The following EFL1 variants were observed in gnomAD, a reference collection of about 807,000 sequenced individuals.
EFL1 encodes elongation factor like GTPase 1, also known as elongation factor-like GTPase 1.
A neutral mutation model predicts 126.7 loss-of-function variants in EFL1; 76 were observed. The observed-to-expected ratio is 0.60, with a 90% CI of 0.50 to 0.73. The LOEUF is 0.73. Among genes scored for constraint, EFL1 ranks in the 30% least tolerant of loss-of-function variants. EFL1 has a pLI of 0.00. For missense variants in EFL1, 1,128 were observed against 1,343.2 expected, an observed-to-expected ratio of 0.84 and a Z score of 2.50; for synonymous variants, 410 against 448.4, an observed-to-expected ratio of 0.91 and a Z score of 1.08.
intron 16 of EFL1, among the ~76,000 whole-genome samples, chr15:82,161,366 G>A (rs371254555): frequency 6.6e-6 from 1 of 152,176 alleles, no homozygotes; most frequent in East Asian, 1.9e-4. Flanking sequence ...ATGAGCATAA[G>A]TTACTAGGGC....
In EFL1 at chr15:82,229,095, G is replaced by C; in HGVS notation, c.871C>G (p.Pro291Ala). 1 of 1,610,726 alleles carries C rather than the reference G, an allele frequency of 6.2e-7. No individual in the cohort carries two copies. Among genetic ancestry groups the C allele is most frequent in the Non-Finnish European group, 8.5e-7 (1 of 1,179,258 alleles). The change falls in exon 9 of 20, where the codon CCT (proline) becomes GCT (alanine). Residue 291 changes from proline to alanine, a missense_variant. By Grantham distance (27) the Pro-to-Ala change is conservative. Transcript: ENST00000268206. ...MKGDQAKGKK[P>A]LFVQLILENI... ...TCCAGGATCAACTGTACAAATAAAG[G>C]TTTCTTTCCTTTGGCCTGTACAAAA...
chr15:82,154,737 T>C lies in EFL1; in HGVS notation c.2031-2314A>G, dbSNP rs191138571. The stretch of plus-strand genomic sequence containing the variant: ...CACCTAACCATGTAACCCCTTATAC[T>C]CCACAGTTCAGTTTGGACTGCACTT... On this transcript the variant is annotated intron_variant, in intron 17 of 19. Transcript: ENST00000268206. Among the ~76,000 whole-genome samples, 132 of 152,216 alleles carry C rather than the reference T, an allele frequency of 8.7e-4. 1 individual carries two copies. Among genetic ancestry groups the C allele is most frequent in the Admixed American group, 2.0e-3 (30 of 15,284 alleles).
chr15:82,249,738 T>C (rs368561564), intron 4 of EFL1, among the ~76,000 whole-genome samples: 31 of 152,136 alleles, frequency 2.0e-4, no homozygotes, highest in African/African-American at 7.5e-4. Flanking sequence ...ATCCCAATAT[T>C]TGTAGCAAAT....
chr15:82,207,625 T>A (rs189707268), intron 15 of EFL1, among the ~76,000 whole-genome samples: 9 of 152,196 alleles, frequency 5.9e-5, no homozygotes, highest in Non-Finnish European at 1.3e-4. Context: ...TATGCATATA[T>A]ATGGACAGAA....
At chr15:82,181,061 A>G (rs2074247255) in intron 15 of EFL1, among the ~76,000 whole-genome samples, 1 of 152,120 alleles carries the variant, frequency 6.6e-6, no homozygotes, top group Non-Finnish European at 1.5e-5. Flanking sequence ...ATTATCAAGA[A>G]TATCAGCTAG....
intron 15 of EFL1, among the ~76,000 whole-genome samples, chr15:82,197,889 T>C (rs182218695): frequency 6.3e-4 from 96 of 152,178 alleles, no homozygotes; most frequent in African/African-American, 2.2e-3. Context: ...ACCTGCTGCC[T>C]GCCCTGCCTG....
chr15:82,167,761 T>A (rs1419150376), intron 15 of EFL1, among the ~76,000 whole-genome samples: 1 of 152,200 alleles, frequency 6.6e-6, no homozygotes, highest in Non-Finnish European at 1.5e-5. Context: ...CAAATTTGGA[T>A]TTGTAAAGTG....
At chr15:82,236,748 T>G (rs2074876484) in intron 7 of EFL1, among the ~76,000 whole-genome samples, 1 of 152,230 alleles carries the variant, frequency 6.6e-6, no homozygotes, top group African/African-American at 2.4e-5. Flanking sequence ...AGACAATCTT[T>G]AGGATCTAGA....
At chr15:82,208,795 A>C (rs1404561747) in intron 15 of EFL1, among the ~76,000 whole-genome samples, 2 of 152,180 alleles carry the variant, frequency 1.3e-5, no homozygotes, top group Non-Finnish European at 2.9e-5. Context: ...ATTATTAAAA[A>C]AAAAATACTT....
chr15:82,183,595 G>C (rs563518922), intron 15 of EFL1, among the ~76,000 whole-genome samples: 1 of 152,190 alleles, frequency 6.6e-6, no homozygotes, highest in East Asian at 1.9e-4. Flanking sequence ...CCCTAAATCT[G>C]ATGGAAGGAG....
chr15:82,211,595 G>GACACACACACCCACACACACACACACAC (rs2074590291), intron 15 of EFL1, among the ~76,000 whole-genome samples: 1 of 105,770 alleles, frequency 9.5e-6, no homozygotes, highest in Admixed American at 9.2e-5. Flanking sequence ...ACACATACTA[G>GACACACACACCCACACACACACACACAC]ACACACACAC....
At chr15:82,138,407 T>TGAGAGAGAGA (rs71156027) in intron 19 of EFL1, among the ~76,000 whole-genome samples, 3 of 147,728 alleles carry the variant, frequency 2.0e-5, no homozygotes, top group Non-Finnish European at 4.5e-5. Context: ...AAAGGACAAA[T>TGAGAGAGAGA]GAGAGAGAGA....
rs568740003 is a variant in EFL1 at position 82,183,950 on chromosome 15, G to C, written c.1751-19966C>G. 7.9e-5 allele frequency among the ~76,000 whole-genome samples: 12 copies of C among 152,276 alleles called. No individual in the cohort carries two copies. The South Asian group carries it at 2.3e-3, about 29-fold the overall frequency. On this transcript the variant is annotated intron_variant, in intron 15 of 19. Coordinates refer to ENST00000268206, the MANE Select transcript of EFL1 (RefSeq NM_024580.6). ...TCACCTTTCAACAGTGGCTAGAACT[G>C]GTCATGCCTTCATGCCTGTGTCCAT... is the stretch of plus-strand genomic sequence containing the variant.
At chr15:82,158,404 T>C (rs549508958) in intron 16 of EFL1, among the ~76,000 whole-genome samples, 15 of 152,336 alleles carry the variant, frequency 9.8e-5, no homozygotes, top group Admixed American at 7.8e-4. Flanking sequence ...GTTCTGCATG[T>C]ATTTTTCATA....
chr15:82,180,385 A>T (rs2074240050), intron 15 of EFL1, among the ~76,000 whole-genome samples: 1 of 100,930 alleles, frequency 9.9e-6, no homozygotes, highest in Non-Finnish European at 1.8e-5. Context: ...AAAAAAAAAC[A>T]AACAAAAAAA....
chr15:82,216,595 A>G lies in EFL1; in HGVS notation c.1612-1740T>C, dbSNP rs1275536035. Among the ~76,000 whole-genome samples the G allele has an allele frequency of 5.9e-5, 9 of 152,308 alleles. No individual in the cohort carries two copies. In the South Asian group the frequency reaches 1.7e-3, roughly 28 times the overall value. Reference sequence around the variant, plus strand: ...GATTTCTGACAGAGTGGACAAAGCTAATCAGTGGATAAAGATGGACTATTC... The same window carrying G: ...GATTTCTGACAGAGTGGACAAAGCTGATCAGTGGATAAAGATGGACTATTC... On this transcript the variant is annotated intron_variant, in intron 14 of 19. Coordinates refer to ENST00000268206, the MANE Select transcript of EFL1 (RefSeq NM_024580.6).
At chr15:82,220,317 T>C (rs1407055264) in intron 12 of EFL1, 88 bp from the exon 13 acceptor site, 23 of 1,481,864 alleles carry the variant, frequency 1.6e-5, no homozygotes, top group Non-Finnish European at 2.0e-5. Context: ...AAGATGAAGA[T>C]TGGTCCCAGC....
chr15:82,204,919 G>A (rs2074508483), intron 15 of EFL1, among the ~76,000 whole-genome samples: 1 of 152,148 alleles, frequency 6.6e-6, no homozygotes, highest in Non-Finnish European at 1.5e-5. Flanking sequence ...ATTATTATGT[G>A]CAAGTTCTAA....
chr15:82,201,698 CAA>C (rs57664245), intron 15 of EFL1, among the ~76,000 whole-genome samples: 39,239 of 98,648 alleles, frequency 0.4, 6,921 homozygotes, highest in African/African-American at 0.55. Flanking sequence ...TAACTTCTTG[CAA>C]AAAAAAAAAA....
Sources: allele counts gnomAD v4.1 joint callset (sites outside exome capture counted in the v4.1 genomes callset), GRCh38; gene constraint gnomAD v4.1.1; transcripts MANE v1.5; gene names NCBI Gene and HGNC (gene_info 2026-07-23, HGNC 2026-07-21).